Variants in TENM2 observed in about 807,000 individuals in gnomAD.
TENM2 encodes teneurin transmembrane protein 2.
TENM2 carries 52 observed loss-of-function variants against 245.2 expected under a neutral mutation model. That is an observed-to-expected ratio of 0.21 (90% CI 0.17 to 0.27). TENM2 has a LOEUF of 0.27. Among genes scored for constraint, TENM2 ranks in the 10% least tolerant of loss-of-function variants. The probability of loss-of-function intolerance (pLI) is 1.00; values close to 1 mark genes in which losing one functional copy is unlikely to be tolerated. For missense variants in TENM2, 3,046 were observed against 3,666.8 expected, an observed-to-expected ratio of 0.83 and a Z score of 4.37; for synonymous variants, 1,363 against 1,438.9, an observed-to-expected ratio of 0.95 and a Z score of 1.19.
At chr5:167,299,381 C>G (rs1175186825) in intron 1 of TENM2, among the ~76,000 whole-genome samples, 2 of 152,122 alleles carry the variant, frequency 1.3e-5, no homozygotes, top group African/African-American at 2.4e-5. Context: ...AAGTGTCTAC[C>G]CAGACTAAGA....
intron 2 of TENM2, among the ~76,000 whole-genome samples, chr5:167,420,456 A>C (rs1012348176): frequency 6.6e-6 from 1 of 152,054 alleles, no homozygotes; most frequent in Non-Finnish European, 1.5e-5. Flanking sequence ...GAGCCCTGGA[A>C]GTTCTATGAC....
the TENM2 span, among the ~76,000 whole-genome samples, chr5:167,224,392 C>T: frequency 6.6e-6 from 1 of 151,922 alleles, no homozygotes; most frequent in Non-Finnish European, 1.5e-5. Context: ...TGTTGAGTCT[C>T]ATTATTCTGC....
At chr5:167,830,135 A>C (rs998458466) in intron 2 of TENM2, among the ~76,000 whole-genome samples, 1 of 152,212 alleles carries the variant, frequency 6.6e-6, no homozygotes, top group Non-Finnish European at 1.5e-5. Flanking sequence ...CTTTCAATTT[A>C]AGAATGTCTA....
At chr5:167,472,033 G>T (rs1188588566) in intron 2 of TENM2, among the ~76,000 whole-genome samples, 1 of 152,262 alleles carries the variant, frequency 6.6e-6, no homozygotes, top group Admixed American at 6.5e-5. Context: ...TAGACCATTA[G>T]TGGTTTCTGG....
At chr5:167,095,104 C>T in the TENM2 span, among the ~76,000 whole-genome samples, 1 of 152,024 alleles carries the variant, frequency 6.6e-6, no homozygotes, top group Non-Finnish European at 1.5e-5. Context: ...TGAGCTGGAC[C>T]CTGTGGAAAT....
intron 3 of TENM2, among the ~76,000 whole-genome samples, chr5:167,887,512 TAGAA>T (rs1774383703): frequency 6.6e-6 from 1 of 152,232 alleles, no homozygotes; most frequent in Non-Finnish European, 1.5e-5. Context: ...TGATCACATT[TAGAA>T]AGAACAGAAA....
At chr5:167,228,211 G>A in the TENM2 span, among the ~76,000 whole-genome samples, 3 of 151,878 alleles carry the variant, frequency 2.0e-5, no homozygotes, top group South Asian at 2.1e-4. Context: ...TATATTTTTA[G>A]TAGAGATGGG....
chr5:167,578,667 G>T (rs960094715), intron 2 of TENM2, among the ~76,000 whole-genome samples: 1 of 151,886 alleles, frequency 6.6e-6, no homozygotes, highest in Non-Finnish European at 1.5e-5. Context: ...GATCTTTAAG[G>T]GTTTTCATCT....
intron 2 of TENM2, among the ~76,000 whole-genome samples, chr5:167,602,077 G>A (rs929638669): frequency 1.3e-5 from 2 of 151,810 alleles, no homozygotes; most frequent in African/African-American, 4.8e-5. Flanking sequence ...ACGTGGGAAG[G>A]TTTTGGCCAT....
chr5:167,073,546 C>G, the TENM2 span, among the ~76,000 whole-genome samples: 1 of 151,994 alleles, frequency 6.6e-6, no homozygotes, highest in Non-Finnish European at 1.5e-5. Context: ...TTGCTATTGT[C>G]TCTCCCCCTC....
intron 1 of TENM2, among the ~76,000 whole-genome samples, chr5:167,355,265 A>G (rs1284740508): frequency 2.0e-5 from 3 of 152,180 alleles, no homozygotes; most frequent in Non-Finnish European, 2.9e-5. Flanking sequence ...AAAGAAGCAT[A>G]CGACCTGCCA....
At chr5:167,546,876 T>C (rs1772593486) in intron 2 of TENM2, among the ~76,000 whole-genome samples, 2 of 152,178 alleles carry the variant, frequency 1.3e-5, no homozygotes. Context: ...CCTTTCCCCA[T>C]AATTGACACC....
At chr5:167,776,274 A>C (rs1170358220) in intron 2 of TENM2, among the ~76,000 whole-genome samples, 2 of 151,718 alleles carry the variant, frequency 1.3e-5, no homozygotes, top group Non-Finnish European at 2.9e-5. Flanking sequence ...TAAAATTCAG[A>C]CTATATATAT....
At chr5:167,970,187 C>T (rs547978469) in intron 4 of TENM2, among the ~76,000 whole-genome samples, 2 of 152,258 alleles carry the variant, frequency 1.3e-5, no homozygotes, top group East Asian at 1.9e-4. Flanking sequence ...AATAAGAAGT[C>T]GAAAAAATTA....
At chr5:167,921,816 C>T (rs1424540348) in intron 3 of TENM2, among the ~76,000 whole-genome samples, 1 of 152,106 alleles carries the variant, frequency 6.6e-6, no homozygotes, top group Non-Finnish European at 1.5e-5. Flanking sequence ...ATTACTTGAC[C>T]TCATGAAATC....
At chr5:167,721,551 C>G (rs1381809942) in intron 2 of TENM2, 2 of 152,172 alleles carry the variant, frequency 1.3e-5, no homozygotes, top group Non-Finnish European at 2.9e-5. Context: ...TTCATGGCCC[C>G]TTCCTTCATC....
chr5:167,225,299 T>G, the TENM2 span, among the ~76,000 whole-genome samples: 1 of 152,028 alleles, frequency 6.6e-6, no homozygotes, highest in Non-Finnish European at 1.5e-5. Context: ...TAGCTCTGGG[T>G]TTTTCATACA....
chr5:167,135,248 T>C, the TENM2 span, among the ~76,000 whole-genome samples: 2 of 152,198 alleles, frequency 1.3e-5, no homozygotes, highest in African/African-American at 4.8e-5. Flanking sequence ...AGGAAACATA[T>C]ACAATTTTAT....
intron 2 of TENM2, among the ~76,000 whole-genome samples, chr5:167,584,501 A>G (rs539768698): frequency 7.2e-5 from 11 of 152,004 alleles, no homozygotes; most frequent in African/African-American, 2.7e-4. Context: ...AGCATTTTCC[A>G]TTTTTCATCT....
Sources: gnomAD v4.1 joint callset for allele counts (sites outside exome capture counted in the v4.1 genomes callset) on GRCh38, gnomAD v4.1.1 for gene constraint, MANE v1.5 for transcripts, NCBI Gene and HGNC (gene_info 2026-07-23, HGNC 2026-07-21) for gene names.